Variants in GRIK5 observed in about 807,000 individuals in gnomAD.
GRIK5 encodes the protein glutamate receptor ionotropic, kainate 5.
A neutral mutation model predicts 97.4 loss-of-function variants in GRIK5; 43 were observed. That is an observed-to-expected ratio of 0.44 (90% CI 0.35 to 0.57). The LOEUF is 0.57. Ranked by LOEUF, GRIK5 falls within the 20% of genes least tolerant of loss-of-function variation. The pLI is 0.01. For synonymous variants in GRIK5, 580 were observed against 583.5 expected (o/e 0.99, Z 0.09); for missense variants, 1,015 against 1,382.0 (o/e 0.73, Z 4.21).
At chr19:42,037,696 C>T (rs1445499949) in intron 12 of GRIK5, among the ~76,000 whole-genome samples, 1 of 152,156 alleles carries the variant, frequency 6.6e-6, no homozygotes, top group Non-Finnish European at 1.5e-5. Flanking sequence ...CCTCAGCTGC[C>T]CAGGGTGTAG....
chr19:42,052,208 G>A (rs1458949100), intron 11 of GRIK5, among the ~76,000 whole-genome samples: 2 of 152,176 alleles, frequency 1.3e-5, no homozygotes, highest in Non-Finnish European at 2.9e-5. Context: ...AAGCAGGGAG[G>A]AGAGTGAAGA....
intron 15 of GRIK5, among the ~76,000 whole-genome samples, chr19:42,008,214 C>T (rs905494453): frequency 6.6e-6 from 1 of 152,102 alleles, no homozygotes; most frequent in Non-Finnish European, 1.5e-5. Context: ...GATGAGGTTT[C>T]ACCACGTTGG....
At chr19:42,055,014 C>T (rs1488189965) in intron 8 of GRIK5, among the ~76,000 whole-genome samples, 3 of 152,186 alleles carry the variant, frequency 2.0e-5, no homozygotes, top group Non-Finnish European at 4.4e-5. Flanking sequence ...GGGCTAAGTC[C>T]TCATTCCTCC....
intron 15 of GRIK5, among the ~76,000 whole-genome samples, chr19:42,008,405 T>C (rs1555873288): frequency 6.6e-6 from 1 of 152,062 alleles, no homozygotes; most frequent in African/African-American, 2.4e-5. Context: ...GGTGGGCGGA[T>C]TGCTTGAGGC....
chr19:42,010,460 G>C (rs2075548106), intron 15 of GRIK5, among the ~76,000 whole-genome samples: 2 of 152,180 alleles, frequency 1.3e-5, no homozygotes, highest in Admixed American at 6.5e-5. Context: ...GAGAATCAAA[G>C]ATAACAGTGC....
At chr19:42,043,431 A>G in intron 11 of GRIK5, among the ~76,000 whole-genome samples, 1 of 127,168 alleles carries the variant, frequency 7.9e-6, no homozygotes, top group African/African-American at 3.0e-5. Context: ...TTTGAGACAG[A>G]GTCTTGCTCT....
chr19:42,012,200 A>G (rs2075571196), intron 15 of GRIK5, among the ~76,000 whole-genome samples: 1 of 152,010 alleles, frequency 6.6e-6, no homozygotes, highest in African/African-American at 2.4e-5. Flanking sequence ...ATATACATAT[A>G]TGTATATGTA....
intron 15 of GRIK5, among the ~76,000 whole-genome samples, chr19:42,013,749 G>A (rs1194406098): frequency 6.6e-6 from 1 of 152,072 alleles, no homozygotes; most frequent in African/African-American, 2.4e-5. Context: ...AATGTTTGAG[G>A]TGATGGATTT....
At chr19:42,053,338 A>G (rs1405718913) in intron 11 of GRIK5, among the ~76,000 whole-genome samples, 3 of 152,226 alleles carry the variant, frequency 2.0e-5, no homozygotes, top group African/African-American at 7.2e-5. Context: ...TCTGGCAATC[A>G]TGATTCATCA....
chr19:42,068,591 G>C (rs1309713585), intron 1 of GRIK5: 1 of 414,070 alleles, frequency 2.4e-6, no homozygotes, highest in African/African-American at 2.1e-5. Context: ...AGAGGGAGGA[G>C]GACAGGTGAG....
chr19:42,060,593 T>TA (rs1461648216), intron 5 of GRIK5, among the ~76,000 whole-genome samples: 1 of 150,774 alleles, frequency 6.6e-6, no homozygotes, highest in Non-Finnish European at 1.5e-5. Flanking sequence ...TTTTTTTTTT[T>TA]AACCATCCAG....
intron 1 of GRIK5, among the ~76,000 whole-genome samples, chr19:42,067,399 A>C (rs1208869643): frequency 1.3e-5 from 2 of 152,184 alleles, no homozygotes; most frequent in Non-Finnish European, 2.9e-5. Context: ...AGAGAGTGCT[A>C]GGTGGGAGGG....
chr19:42,063,396 T>C (rs947824458), intron 3 of GRIK5: 1 of 456,428 alleles, frequency 2.2e-6, no homozygotes, highest in East Asian at 6.9e-5. Context: ...CCAGTGCCTG[T>C]TCTCATGGCA....
intron 5 of GRIK5, 100 bp from the exon 6 acceptor site, chr19:42,059,627 T>C: frequency 9.7e-7 from 1 of 1,031,852 alleles, no homozygotes; most frequent in Non-Finnish European, 1.4e-6. Context: ...GGCAGAGGAC[T>C]GGAGGGTGTG....
rs749948196 is a variant in GRIK5, at chr19:42,062,704, C to T, written c.343-51G>A. On this transcript the variant is annotated intron_variant, in intron 4 of 19. Coordinates refer to ENST00000593562, the MANE Select transcript of GRIK5 (RefSeq NM_002088.5). The surrounding 1 kb of genome is among the most constrained non-coding windows in gnomAD (Gnocchi z 5.3). ...CCATCCTGCTTCTCCGCCCAGCCCT[C>T]GCCTCCCAGGGACCCGCTCCCCACA... 2.5e-6 allele frequency: 4 copies of T among 1,612,938 alleles called. No individual in the cohort carries two copies. Among genetic ancestry groups the T allele is most frequent in the East Asian group, 2.2e-5 (1 of 44,864 alleles).
intron 12 of GRIK5, among the ~76,000 whole-genome samples, chr19:42,038,541 G>A: frequency 6.6e-6 from 1 of 152,372 alleles, no homozygotes; most frequent in East Asian, 1.9e-4. Context: ...AGTCAAGGAT[G>A]GAGACAAGTC....
chr19:42,013,110 T>C (rs2075583287), intron 15 of GRIK5, among the ~76,000 whole-genome samples: 1 of 151,524 alleles, frequency 6.6e-6, no homozygotes, highest in Admixed American at 6.6e-5. Flanking sequence ...TCGCGGCACT[T>C]TGGGAGGCTG....
Position 42,063,447 on chromosome 19 carries a change from G to T in GRIK5, c.245-592C>A, listed in dbSNP as rs1324527783. 9.2e-6 allele frequency: 4 copies of T among 432,548 alleles called. No individual in the cohort carries two copies. In the East Asian group the frequency reaches 2.8e-4, roughly 30 times the overall value. 26.8% of individuals were successfully genotyped at this position (432,548 alleles called of 1,614,324 possible). A position where few individuals can be genotyped will look rare whatever the true frequency, so the allele number is the denominator to read the frequency against. On this transcript the variant is annotated intron_variant, in intron 3 of 19. Transcript: ENST00000593562. ...CTGGGGGAACTATCCTCACCCTTCA[G>T]TCCAGGGTTCCCAGGATTGACTGGC...
At chr19:42,068,868 C>A in intron 1 of GRIK5, 1 of 684,058 alleles carries the variant, frequency 1.5e-6, no homozygotes, top group South Asian at 1.5e-5. Flanking sequence ...CCACCGCAGG[C>A]AGAGGATGAG....
Sources: gnomAD v4.1 joint callset for allele counts (sites outside exome capture counted in the v4.1 genomes callset) on GRCh38, gnomAD v4.1.1 for gene constraint, Gnocchi (gnomAD v3.1) non-coding constraint, MANE v1.5 for transcripts, NCBI Gene and HGNC (gene_info 2026-07-23, HGNC 2026-07-21) for gene names.